The following MMP17 variants were observed in gnomAD, a reference collection of about 807,000 sequenced individuals.
MMP17 encodes matrix metalloproteinase-17.
Under a neutral mutation model 49.1 loss-of-function variants are expected in MMP17, and 54 were observed. The observed-to-expected ratio is 1.10, with a 90% CI of 0.88 to 1.38. The LOEUF (loss-of-function observed/expected upper bound fraction) is 1.38. MMP17 is among the 40% of genes most tolerant of loss of function. The pLI is 0.00. For synonymous variants in MMP17, 397 were observed against 383.1 expected, an observed-to-expected ratio of 1.04 and a Z score of -0.42; for missense variants, 837 against 853.7, an observed-to-expected ratio of 0.98 and a Z score of 0.24.
chr12:131,840,615 G>C lies in MMP17; in HGVS notation c.465G>C (p.Thr155=), dbSNP rs200140685. ...GGGACTCACCACTGGGGCACGACAC[G>C]GTGCGTGCACTCATGTACTACGCCC... ...FPRDSPLGHD[T]VRALMYYALK... is the part of the protein sequence containing the mutation. The change falls in exon 4 of 10, where the codon ACG becomes ACC. Residue 155 remains threonine, a synonymous_variant. Coordinates refer to ENST00000360564, the MANE Select transcript of MMP17 (RefSeq NM_016155.7). 4 of 1,604,304 alleles carry C rather than the reference G, an allele frequency of 2.5e-6. No homozygotes were observed. Among genetic ancestry groups the C allele is most frequent in the Non-Finnish European group, 3.4e-6 (4 of 1,176,074 alleles).
chr12:131,834,073 G>A (rs1262241566), intron 1 of MMP17, among the ~76,000 whole-genome samples: 1 of 152,272 alleles, frequency 6.6e-6, no homozygotes, highest in African/African-American at 2.4e-5. Flanking sequence ...GTCAGAGTCA[G>A]GGGCTGTGGG....
At chr12:131,833,337 G>A (rs575982783) in intron 1 of MMP17, among the ~76,000 whole-genome samples, 17 of 152,354 alleles carry the variant, frequency 1.1e-4, no homozygotes, top group Non-Finnish European at 1.9e-4. Flanking sequence ...CCTGAGACGC[G>A]TGTATGTGTT....
chr12:131,848,544 G>C (rs75635892), intron 8 of MMP17, among the ~76,000 whole-genome samples: 1 of 152,202 alleles, frequency 6.6e-6, no homozygotes, highest in African/African-American at 2.4e-5. Flanking sequence ...AAACGGAAAC[G>C]CTGCCCCGTG....
In MMP17 at chr12:131,850,004, C is replaced by A; in HGVS notation, c.1407C>A (p.Ser469Arg). ...RHMDPGYPAQ[S>R]PLWRGVPSTL... is the part of the protein sequence containing the mutation. ...TGGACCCCGGCTACCCCGCCCAGAG[C>A]CCCCTGTGGAGGGGTGTCCCCAGCA... The change falls in exon 9 of 10, where the codon AGC (serine) becomes AGA (arginine). Residue 469 changes from serine (S) to arginine (R), a missense_variant. Transcript: ENST00000360564. 1 of 1,613,536 alleles carries A rather than the reference C, an allele frequency of 6.2e-7. No individual in the cohort carries two copies. The highest frequency in any genetic ancestry group is 8.5e-7 in the Non-Finnish European group (1 of 1,179,876).
intron 4 of MMP17, 129 bp downstream of exon 4, chr12:131,840,985 G>A (rs1233762798): frequency 3.3e-6 from 4 of 1,195,996 alleles, no homozygotes; most frequent in Admixed American, 5.7e-5. Flanking sequence ...GAGCACGGCT[G>A]GGCATTTCCC....
Position 131,850,075 on chromosome 12 carries a change from G to A in MMP17, c.1462+16G>A, listed in dbSNP as rs746259956. 5 of 1,598,012 alleles carry A rather than the reference G, an allele frequency of 3.1e-6. No homozygotes were observed. Among genetic ancestry groups the A allele is most frequent in the Non-Finnish European group, 4.3e-6 (5 of 1,171,852 alleles). On this transcript the variant is annotated intron_variant, in intron 9 of 9. Transcript: ENST00000360564. ...TGGTCCGACGGTGAGTGCCAGCTGG[G>A]GGGACGGGCCATGCGGCCTTGGTTT...
rs1177522471 is a variant in MMP17, at chr12:131,843,291, T to C, written c.884-706T>C. ...TCTTTTTTTTTTTTTTTTTTTTTTT[T>C]AGAGATGGGGGTCTCACTATGTGGC... On this transcript the variant is annotated intron_variant, in intron 5 of 9. Coordinates refer to ENST00000360564, the MANE Select transcript of MMP17 (RefSeq NM_016155.7). Among the ~76,000 whole-genome samples, 24 of 109,852 alleles carry C rather than the reference T, an allele frequency of 2.2e-4. No homozygotes were observed. In the South Asian group the frequency reaches 4.6e-3, roughly 21 times the overall value. The allele number at this position is 109,852 out of a possible 152,430, so 72.1% of individuals were successfully genotyped here. A position where few individuals can be genotyped will look rare whatever the true frequency, so the allele number is the denominator to read the frequency against.
intron 9 of MMP17, 21 bp downstream of exon 9, chr12:131,850,080 C>T (rs573940179): frequency 2.1e-5 from 33 of 1,585,268 alleles, no homozygotes; most frequent in Middle Eastern, 1.7e-4. Context: ...GCTGGGGGGA[C>T]GGGCCATGCG....
chr12:131,830,327 C>G (rs1369620689), intron 1 of MMP17, among the ~76,000 whole-genome samples: 1 of 152,112 alleles, frequency 6.6e-6, no homozygotes, highest in East Asian at 2.0e-4. Context: ...TGCGACAGCA[C>G]CGAGCGGAGG....
At chr12:131,829,643 A>G (rs1886694142) in intron 1 of MMP17, among the ~76,000 whole-genome samples, 1 of 152,216 alleles carries the variant, frequency 6.6e-6, no homozygotes, top group Non-Finnish European at 1.5e-5. Flanking sequence ...GGGTCCTGGC[A>G]GGGCCCCTCG....
At chr12:131,831,810 G>A (rs1308757011) in intron 1 of MMP17, among the ~76,000 whole-genome samples, 2 of 115,050 alleles carry the variant, frequency 1.7e-5, no homozygotes, top group East Asian at 5.2e-4. Flanking sequence ...ACAGGAAGGG[G>A]GAAGGCTGGA....
intron 1 of MMP17, 85 bp from the exon 2 acceptor site, chr12:131,838,110 G>A: frequency 1.3e-6 from 2 of 1,482,716 alleles, no homozygotes; most frequent in Middle Eastern, 2.5e-4. Flanking sequence ...GGCCTGCCCG[G>A]AAGCAGTGGT....
intron 1 of MMP17, among the ~76,000 whole-genome samples, chr12:131,829,098 T>C (rs1438264291): frequency 2.0e-5 from 3 of 152,132 alleles, no homozygotes; most frequent in South Asian, 2.1e-4. Context: ...GGGCAGGGGC[T>C]ACGGAGTGGG....
At chr12:131,843,537 G>A (rs560034105) in intron 5 of MMP17, among the ~76,000 whole-genome samples, 1 of 152,306 alleles carries the variant, frequency 6.6e-6, no homozygotes, top group South Asian at 2.1e-4. Context: ...ACGAACCACT[G>A]TGCCCGGCCC....
intron 1 of MMP17, among the ~76,000 whole-genome samples, chr12:131,834,351 A>G (rs1047798258): frequency 6.6e-6 from 1 of 151,746 alleles, no homozygotes; most frequent in East Asian, 1.9e-4. Context: ...CTGCTGCTGC[A>G]GCACCCGCCC....
chr12:131,832,655 C>T (rs950150081), intron 1 of MMP17, among the ~76,000 whole-genome samples: 2 of 150,986 alleles, frequency 1.3e-5, no homozygotes, highest in Non-Finnish European at 2.9e-5. Flanking sequence ...CTCTGGGATT[C>T]GGGCCCTCCT....
At position 131,845,397 on chromosome 12, in the gene MMP17, C is replaced by T. The variant is rs113706780; in HGVS notation, c.1152C>T (p.Ser384=). 1.1e-3 allele frequency: 1,770 copies of T among 1,591,768 alleles called. 18 individuals carry two copies. The African/African-American group carries it at 0.018, about 16-fold the overall frequency. The change falls in exon 8 of 10, where the codon AGC becomes AGT. Residue 384 remains serine, a synonymous_variant. Coordinates refer to ENST00000360564, the MANE Select transcript of MMP17 (RefSeq NM_016155.7). ...GGGGCCTGCCGCTGCACCTGGACAG[C>T]GTGGACGCCGTGTACGAGCGCACCA... is the stretch of plus-strand genomic sequence containing the variant. The part of the protein sequence containing the change: ...FWRGLPLHLD[S]VDAVYERTSD...
Position 131,840,852 on chromosome 12 carries a change from C to A in MMP17, c.702C>A (p.Ser234=). ...FDDDEAWTFR[S]SDAHGMDLFA... ...ATGACGAGGCCTGGACCTTCCGCTC[C>A]TCGGGTGCGTCTGGGGCAGCCCTCA... Residue 234 remains serine (S), a synonymous_variant, in exon 4 of 10, where the codon TCC becomes TCA. Transcript: ENST00000360564. The A allele has an allele frequency of 1.3e-6, 2 of 1,595,064 alleles. No individual in the cohort carries two copies. The highest frequency in any genetic ancestry group is 1.7e-6 in the Non-Finnish European group (2 of 1,171,674).
chr12:131,838,502 G>C, intron 2 of MMP17, 110 bp from the exon 3 acceptor site: 1 of 1,471,714 alleles, frequency 6.8e-7, no homozygotes, highest in Non-Finnish European at 9.0e-7. Context: ...GGAGGAGGGG[G>C]CGGCTCGGAG....
Sources: allele counts gnomAD v4.1 joint callset (sites outside exome capture counted in the v4.1 genomes callset), GRCh38; gene constraint gnomAD v4.1.1; transcripts MANE v1.5; gene names NCBI Gene and HGNC (gene_info 2026-07-23, HGNC 2026-07-21).